SLC25A40: variants seen among roughly 807,000 people sequenced by gnomAD.
SLC25A40 encodes the protein mitochondrial glutathione transporter SLC25A40.
In SLC25A40, 41 loss-of-function variants were observed where a neutral mutation model predicts 46.5. That is an observed-to-expected ratio of 0.88 (90% CI 0.69 to 1.14). The LOEUF (loss-of-function observed/expected upper bound fraction) is 1.14. SLC25A40 is among the 50% of genes most tolerant of loss of function. The pLI, the probability that SLC25A40 is intolerant of heterozygous loss-of-function variation, is 0.00. For missense variants in SLC25A40, 386 were observed against 393.6 expected (o/e 0.98, Z 0.16); for synonymous variants, 126 against 127.5 (o/e 0.99, Z 0.08).
At chr7:87,852,743 A>C (rs1838536697) in intron 5 of SLC25A40, among the ~76,000 whole-genome samples, 1 of 152,176 alleles carries the variant, frequency 6.6e-6, no homozygotes, top group South Asian at 2.1e-4. Flanking sequence ...ACTGATTTTT[A>C]ACAAAGGTGC....
chr7:87,859,358 C>T (rs1027471424), intron 2 of SLC25A40, among the ~76,000 whole-genome samples: 8 of 152,018 alleles, frequency 5.3e-5, no homozygotes, highest in South Asian at 4.2e-4. Flanking sequence ...AGGAGAATGG[C>T]GTGAACCCAG....
At chr7:87,864,962 TTTC>T (rs1461260153) in intron 1 of SLC25A40, among the ~76,000 whole-genome samples, 3 of 136,148 alleles carry the variant, frequency 2.2e-5, no homozygotes, top group African/African-American at 8.8e-5. Context: ...TGTTGATTTT[TTTC>T]TTTTCTTTTC....
chr7:87,874,738 C>T (rs1452462676), intron 1 of SLC25A40, among the ~76,000 whole-genome samples: 1 of 152,140 alleles, frequency 6.6e-6, no homozygotes, highest in Non-Finnish European at 1.5e-5. Context: ...GAAGTACTAC[C>T]CCCTTTTAAT....
rs187488632 is a variant in SLC25A40, at chr7:87,849,107, T to C, written c.332+774A>G. On this transcript the variant is annotated intron_variant, in intron 6 of 11. Coordinates refer to ENST00000341119, the MANE Select transcript of SLC25A40 (RefSeq NM_018843.4). ...AGAATTACCTGGAGAAAGGAAAGTA[T>C]ACATTTTGCAATATATCATACAGCT... Among the ~76,000 whole-genome samples the C allele has an allele frequency of 1.5e-3, 228 of 152,332 alleles. 1 individual carries two copies. The highest frequency in any genetic ancestry group is 5.4e-3 in the African/African-American group (223 of 41,574).
intron 1 of SLC25A40, among the ~76,000 whole-genome samples, chr7:87,871,170 G>A (rs1004607763): frequency 2.6e-5 from 4 of 152,182 alleles, no homozygotes; most frequent in African/African-American, 4.8e-5. Flanking sequence ...TGCCCCTGCC[G>A]GTGCTCATGC....
chr7:87,860,759 T>G (rs1416348042), intron 1 of SLC25A40, 119 bp from the exon 2 acceptor site: 1 of 152,256 alleles, frequency 6.6e-6, no homozygotes, highest in Non-Finnish European at 1.5e-5. Flanking sequence ...CATTAAATGC[T>G]TTCTACTAAT....
chr7:87,847,209 A>C, intron 7 of SLC25A40, 87 bp from the exon 8 acceptor site: 1 of 1,025,494 alleles, frequency 9.8e-7, no homozygotes, highest in Non-Finnish European at 1.3e-6. Flanking sequence ...ATATTCACAG[A>C]TTTTATATTT....
Position 87,876,338 on chromosome 7 carries a change from C to G in SLC25A40, c.-336G>C, listed in dbSNP as rs6952943. On this transcript the variant is annotated 5_prime_UTR_variant, in exon 1 of 12. Transcript: ENST00000341119. ...AGAGGCGGAAACACAACCTGCAGGGCCAGAGCGAGGCGCGAGAAGGACGGC... is the reference window on the plus strand; with the variant it reads ...AGAGGCGGAAACACAACCTGCAGGGGCAGAGCGAGGCGCGAGAAGGACGGC... The G allele has an allele frequency of 1.1e-5, 2 of 180,938 alleles. No individual in the cohort carries two copies. Among genetic ancestry groups the G allele is most frequent in the Admixed American group, 6.3e-5 (1 of 15,800 alleles). The allele number at this position is 180,938 out of a possible 1,614,324, so 11.2% of individuals were successfully genotyped here.
At chr7:87,858,800 AAATGAT>A in intron 2 of SLC25A40, 49 bp from the exon 3 acceptor site, 1 of 1,013,070 alleles carries the variant, frequency 9.9e-7, no homozygotes, top group South Asian at 1.3e-5. Flanking sequence ...GATCTTTCAA[AAATGAT>A]AACATCCTTC....
intron 7 of SLC25A40, 75 bp from the exon 8 acceptor site, chr7:87,847,197 T>A: frequency 9.1e-7 from 1 of 1,098,976 alleles, no homozygotes; most frequent in Admixed American, 2.9e-5. Context: ...CTGTAAAAAT[T>A]AATATTCACA....
intron 5 of SLC25A40, among the ~76,000 whole-genome samples, chr7:87,850,792 T>C (rs1472130580): frequency 6.9e-6 from 1 of 144,894 alleles, no homozygotes; most frequent in Non-Finnish European, 1.5e-5. Flanking sequence ...AAAAGAAAAA[T>C]AGAAAAAGGA....
At chr7:87,836,659 G>T in intron 11 of SLC25A40, 71 bp downstream of exon 11, 1 of 1,003,720 alleles carries the variant, frequency 1.0e-6, no homozygotes, top group Non-Finnish European at 1.4e-6. Context: ...CCTCCTATAA[G>T]TTAATTTTAG....
intron 3 of SLC25A40, among the ~76,000 whole-genome samples, 192 bp downstream of exon 3, chr7:87,858,439 G>A (rs754725653): frequency 7.2e-5 from 11 of 152,086 alleles, no homozygotes; most frequent in Admixed American, 2.0e-4. Context: ...GGGCAATCAC[G>A]GTCCTACCAA....
intron 10 of SLC25A40, among the ~76,000 whole-genome samples, chr7:87,841,143 G>A (rs1375575042): frequency 6.8e-6 from 1 of 147,854 alleles, no homozygotes; most frequent in Non-Finnish European, 1.5e-5. Flanking sequence ...ATGTGTGTGT[G>A]TGTGTGTGTG....
intron 6 of SLC25A40, 96 bp from the exon 7 acceptor site, chr7:87,848,073 C>A: frequency 7.2e-7 from 1 of 1,380,710 alleles, no homozygotes; most frequent in Non-Finnish European, 9.6e-7. Context: ...CTAAAAAAGT[C>A]TTATATTTTG....
At chr7:87,837,055 G>A in intron 10 of SLC25A40, 1 of 222,272 alleles carries the variant, frequency 4.5e-6, no homozygotes, top group African/African-American at 2.3e-5. Context: ...GGAATGTACT[G>A]AAGGTTTCTC....
intron 1 of SLC25A40, among the ~76,000 whole-genome samples, chr7:87,865,495 G>A (rs1838778614): frequency 6.6e-6 from 1 of 152,218 alleles, no homozygotes; most frequent in Non-Finnish European, 1.5e-5. Context: ...GGGAGGCCAG[G>A]TACAGTGGCT....
At chr7:87,862,044 C>T (rs1381068388) in intron 1 of SLC25A40, among the ~76,000 whole-genome samples, 3 of 152,014 alleles carry the variant, frequency 2.0e-5, no homozygotes, top group Non-Finnish European at 1.5e-5. Flanking sequence ...AACGCTACTC[C>T]CAGAGACTTG....
Position 87,835,953 on chromosome 7 carries a change from C to T in SLC25A40, c.*296G>A, listed in dbSNP as rs999984672. On this transcript the variant is annotated 3_prime_UTR_variant, in exon 12 of 12. Coordinates refer to ENST00000341119, the MANE Select transcript of SLC25A40 (RefSeq NM_018843.4). ...ACACACTCCCAGTAAGATTATGTTA[C>T]ACTGAAACATATAATATTAAACTTT... is the stretch of plus-strand genomic sequence containing the variant. The T allele has an allele frequency of 4.1e-6, 1 of 245,668 alleles. No homozygotes were observed. Among genetic ancestry groups the T allele is most frequent in the Non-Finnish European group, 7.7e-6 (1 of 129,196 alleles). 15.2% of individuals were successfully genotyped at this position (245,668 alleles called of 1,614,324 possible).
Sources: allele counts gnomAD v4.1 joint callset (sites outside exome capture counted in the v4.1 genomes callset), GRCh38; gene constraint gnomAD v4.1.1; transcripts MANE v1.5; gene names NCBI Gene and HGNC (gene_info 2026-07-23, HGNC 2026-07-21).